CCDC148: variants seen among roughly 807,000 people sequenced by gnomAD.
The protein encoded by CCDC148 is coiled-coil domain-containing protein 148.
CCDC148 carries 89 observed loss-of-function variants against 85.7 expected under a neutral mutation model. The ratio of observed to expected loss-of-function variants is 1.04; its 90% confidence interval spans 0.87 to 1.24. The LOEUF (loss-of-function observed/expected upper bound fraction) is 1.24, where lower values mean the gene tolerates loss of function less well. Among genes scored for constraint, CCDC148 ranks in the 50% most tolerant of loss-of-function variants. CCDC148 has a pLI of 0.00. For missense variants in CCDC148, 692 were observed against 671.7 expected (o/e 1.03, Z -0.33); for synonymous variants, 230 against 213.9 (o/e 1.08, Z -0.66).
intron 9 of CCDC148, among the ~76,000 whole-genome samples, chr2:158,264,643 T>C (rs1292493018): frequency 6.6e-6 from 1 of 151,958 alleles, no homozygotes; most frequent in African/African-American, 2.4e-5. Flanking sequence ...TAAGGGGCTA[T>C]TATATCCATG....
chr2:158,303,659 C>T (rs977746635), intron 9 of CCDC148, among the ~76,000 whole-genome samples: 5 of 152,140 alleles, frequency 3.3e-5, no homozygotes, highest in African/African-American at 7.2e-5. Flanking sequence ...AAACAGAATC[C>T]ATTTTACTAT....
rs771945616 is a variant in CCDC148 at position 158,338,711 on chromosome 2, GTTTTA to G, written c.764+10_764+14del. 8 of 1,580,152 alleles carry G rather than the reference GTTTTA, an allele frequency of 5.1e-6. No individual in the cohort carries two copies. The highest frequency in any genetic ancestry group is 6.9e-6 in the Non-Finnish European group (8 of 1,166,140). ...GTGTCAAAAGTCTACACAGGACTCA[GTTTTA>G]TCTTATCACCTGTATATGTCTTCCA... is the stretch of plus-strand genomic sequence containing the variant. On this transcript the variant is annotated intron_variant, in intron 7 of 13. Coordinates refer to ENST00000283233, the MANE Select transcript of CCDC148 (RefSeq NM_138803.4).
chr2:158,246,592 G>A (rs1413174680), intron 10 of CCDC148, among the ~76,000 whole-genome samples: 3 of 152,154 alleles, frequency 2.0e-5, no homozygotes, highest in Non-Finnish European at 2.9e-5. Context: ...CTGGGACCCA[G>A]TATAGGTCTG....
At chr2:158,351,808 G>A (rs1400871624) in intron 2 of CCDC148, among the ~76,000 whole-genome samples, 2 of 151,436 alleles carry the variant, frequency 1.3e-5, no homozygotes, top group African/African-American at 4.9e-5. Flanking sequence ...AGTAACCTCT[G>A]CAGACTTAAA....
chr2:158,287,467 C>T (rs564481927), intron 9 of CCDC148, among the ~76,000 whole-genome samples: 1 of 152,242 alleles, frequency 6.6e-6, no homozygotes, highest in East Asian at 1.9e-4. Flanking sequence ...AGTGGGGGTA[C>T]AGGCATTGAG....
At chr2:158,224,638 G>A (rs1415314268) in intron 10 of CCDC148, among the ~76,000 whole-genome samples, 1 of 152,132 alleles carries the variant, frequency 6.6e-6, no homozygotes, top group Non-Finnish European at 1.5e-5. Flanking sequence ...AAGAGAGTAG[G>A]GGCCAATATT....
At chr2:158,340,533 G>A (rs1682628812) in intron 4 of CCDC148, 65 bp downstream of exon 4, 1 of 1,380,540 alleles carries the variant, frequency 7.2e-7, no homozygotes, top group Admixed American at 2.1e-5. Context: ...AACATGAAGT[G>A]AGTGGCCCAT....
chr2:158,180,062 G>A (rs1026637807), intron 11 of CCDC148, among the ~76,000 whole-genome samples: 1 of 152,140 alleles, frequency 6.6e-6, no homozygotes, highest in African/African-American at 2.4e-5. Context: ...TTTCAAAAGA[G>A]TAGGCACCTG....
intron 9 of CCDC148, among the ~76,000 whole-genome samples, chr2:158,254,352 G>T (rs1320269909): frequency 6.6e-6 from 1 of 151,560 alleles, no homozygotes; most frequent in Non-Finnish European, 1.5e-5. Flanking sequence ...TAATTTTAAA[G>T]CTAGATACTT....
chr2:158,288,565 C>A (rs1221016873), intron 9 of CCDC148: 1 of 154,226 alleles, frequency 6.5e-6, no homozygotes, highest in African/African-American at 2.4e-5. Context: ...AGTTCCTCAT[C>A]TCCATCTGAG....
chr2:158,268,799 T>G (rs1689581084), intron 9 of CCDC148, among the ~76,000 whole-genome samples: 1 of 152,178 alleles, frequency 6.6e-6, no homozygotes, highest in South Asian at 2.1e-4. Context: ...GAGTTCAACA[T>G]TTTTAGATTC....
intron 10 of CCDC148, among the ~76,000 whole-genome samples, chr2:158,227,272 G>C (rs1687594790): frequency 6.7e-6 from 1 of 150,234 alleles, no homozygotes; most frequent in South Asian, 2.1e-4. Context: ...CCTCTTCAAG[G>C]AGAACTACAA....
chr2:158,352,923 A>C (rs964659183), intron 2 of CCDC148, among the ~76,000 whole-genome samples: 1 of 151,606 alleles, frequency 6.6e-6, no homozygotes, highest in African/African-American at 2.4e-5. Context: ...GCCAATATTC[A>C]ACATTCTTAA....
chr2:158,416,454 T>A (rs962838598), intron 1 of CCDC148, among the ~76,000 whole-genome samples: 17 of 152,326 alleles, frequency 1.1e-4, no homozygotes, highest in African/African-American at 3.6e-4. Flanking sequence ...TTGAATGCTT[T>A]GCTGCTTAGA....
chr2:158,203,314 A>G lies in CCDC148; in HGVS notation c.1370+17281T>C, dbSNP rs532665290. ...TTATTTAAATAAATGTATATTAGAT[A>G]CTGATACAAATAACTTCCTAAGCAA... On this transcript the variant is annotated intron_variant, in intron 11 of 13. Coordinates refer to ENST00000283233, the MANE Select transcript of CCDC148 (RefSeq NM_138803.4). 3.9e-5 allele frequency among the ~76,000 whole-genome samples: 6 copies of G among 152,312 alleles called. No homozygotes were observed. In the East Asian group the frequency reaches 1.2e-3, roughly 29 times the overall value.
intron 11 of CCDC148, among the ~76,000 whole-genome samples, chr2:158,179,494 C>T (rs78851546): frequency 7.1e-4 from 108 of 152,032 alleles, no homozygotes; most frequent in African/African-American, 2.4e-3. Context: ...GAGTAAAATT[C>T]AGTTCATCTC....
chr2:158,227,338 T>C (rs1687599243), intron 10 of CCDC148, among the ~76,000 whole-genome samples: 1 of 151,492 alleles, frequency 6.6e-6, no homozygotes, highest in African/African-American at 2.4e-5. Flanking sequence ...CATTCCATGC[T>C]CATGGGTAGG....
rs773020595 is a variant in CCDC148 at position 158,338,756 on chromosome 2, T to A, written c.734A>T (p.Asp245Val). The A allele has an allele frequency of 1.2e-6, 2 of 1,608,926 alleles. No individual in the cohort carries two copies. The highest frequency in any genetic ancestry group is 3.4e-5 in the Admixed American group (2 of 58,454). Reference sequence around the variant, plus strand: ...TATGTCTTCCAACTGCAGATTAAAGTCTTGAAGCTTCTTCTGATATTTCTG... The same window carrying A: ...TATGTCTTCCAACTGCAGATTAAAGACTTGAAGCTTCTTCTGATATTTCTG... ...FTQKYQKKLQ[D>V]FNLQLEDIYR... The change falls in exon 7 of 14, where the codon GAC becomes GTC. Residue 245 changes from aspartate (D) to valine (V), a missense_variant. Physicochemically the swap from Asp to Val is radical, Grantham distance 152 (BLOSUM62 -3). Coordinates refer to ENST00000283233, the MANE Select transcript of CCDC148 (RefSeq NM_138803.4).
intron 10 of CCDC148, among the ~76,000 whole-genome samples, chr2:158,222,867 C>G (rs892035847): frequency 1.3e-5 from 2 of 152,168 alleles, no homozygotes; most frequent in African/African-American, 4.8e-5. Context: ...AGGAACAGCT[C>G]CAGTCTACAG....
Sources: gnomAD v4.1 joint callset for allele counts (sites outside exome capture counted in the v4.1 genomes callset) on GRCh38, gnomAD v4.1.1 for gene constraint, MANE v1.5 for transcripts, NCBI Gene and HGNC (gene_info 2026-07-23, HGNC 2026-07-21) for gene names.